GMNN: variants seen among roughly 807,000 people sequenced by gnomAD.
GMNN encodes the protein geminin DNA replication inhibitor.
Under a neutral mutation model 20.9 loss-of-function variants are expected in GMNN, and 14 were observed. The observed-to-expected ratio is 0.67, with a 90% confidence interval of 0.44 to 1.05. GMNN has a LOEUF of 1.05. Among genes scored for constraint, GMNN ranks in the 50% least tolerant of loss-of-function variants. The pLI is 0.00. For missense variants in GMNN, 227 were observed against 243.8 expected (o/e 0.93, Z 0.46); for synonymous variants, 81 against 85.8 (o/e 0.94, Z 0.31).
chr6:24,782,746 C>T (rs1780250462), intron 4 of GMNN, among the ~76,000 whole-genome samples: 1 of 151,948 alleles, frequency 6.6e-6, no homozygotes, highest in South Asian at 2.1e-4. Flanking sequence ...GGTAATATAA[C>T]CACAGGTGGA....
rs770471324 is a variant in GMNN, at chr6:24,785,727, G to A, written c.558G>A (p.Val186=). ...SEEETVEDSL[V]EDSEIGTCAE... The stretch of plus-strand genomic sequence containing the variant: ...AAGAAACTGTTGAGGATTCTCTAGT[G>A]GAAGACTCAGAAATTGGCACGTGTG... The change falls in exon 7 of 7, where the codon GTG becomes GTA. Residue 186 remains valine, a synonymous_variant. Coordinates refer to ENST00000230056, the MANE Select transcript of GMNN (RefSeq NM_015895.5). The A allele has an allele frequency of 6.3e-7, 1 of 1,579,306 alleles. No homozygotes were observed. Among genetic ancestry groups the A allele is most frequent in the Non-Finnish European group, 8.7e-7 (1 of 1,154,030 alleles).
chr6:24,782,041 C>T (rs1479624159), intron 4 of GMNN, among the ~76,000 whole-genome samples: 2 of 151,836 alleles, frequency 1.3e-5, no homozygotes, highest in African/African-American at 2.4e-5. Context: ...TGTATGATAG[C>T]ACCACTGCAC....
chr6:24,775,065 CAGCCAT>C lies in GMNN; in HGVS notation c.-201_-196del, dbSNP rs1780023356. 6.6e-6 allele frequency: 1 copy of C among 152,380 alleles called. No homozygotes were observed. Among genetic ancestry groups the C allele is most frequent in the Admixed American group, 6.5e-5 (1 of 15,286 alleles). The allele number at this position is 152,380 out of a possible 1,614,324, so 9.4% of individuals were successfully genotyped here. A position where few individuals can be genotyped will look rare whatever the true frequency, so the allele number is the denominator to read the frequency against. On this transcript the variant is annotated 5_prime_UTR_variant, in exon 1 of 7. Transcript: ENST00000230056. ...AGCTGTGGCCTTTTGCGAGGTGCTG[CAGCCAT>C]AGCTACGTGCGTTCGCTACGAGGAT...
At chr6:24,776,809 T>A (rs1470905865) in intron 1 of GMNN, 1 of 153,076 alleles carries the variant, frequency 6.5e-6, no homozygotes, top group Non-Finnish European at 1.5e-5. Flanking sequence ...TGTGTTAAGT[T>A]ATTGTCAGAG....
chr6:24,775,667 T>A (rs550380261), intron 1 of GMNN: 2 of 152,398 alleles, frequency 1.3e-5, no homozygotes, highest in South Asian at 4.1e-4. Flanking sequence ...GCGTTGTTGA[T>A]ACGGGTTTCG....
intron 5 of GMNN, 24 bp from the exon 6 acceptor site, chr6:24,784,420 C>T (rs572263106): frequency 1.9e-6 from 2 of 1,066,068 alleles, no homozygotes; most frequent in South Asian, 1.3e-5. Flanking sequence ...CTATGGAATA[C>T]TGAACTTTAT....
In GMNN at chr6:24,781,013, C is replaced by T. The variant is rs543886355; in HGVS notation, c.129+273C>T. On this transcript the variant is annotated intron_variant, in intron 3 of 6. Transcript: ENST00000230056. The stretch of plus-strand genomic sequence containing the variant: ...GTCAGGAGCTTGAGACAAGCCTGGC[C>T]AACGTGGTGAAACCCCATCTCTACT... 2.0e-5 allele frequency among the ~76,000 whole-genome samples: 3 copies of T among 152,116 alleles called. No homozygotes were observed. In the East Asian group the frequency reaches 5.8e-4, roughly 29 times the overall value.
intron 4 of GMNN, among the ~76,000 whole-genome samples, chr6:24,782,629 G>A (rs1294917961): frequency 2.0e-5 from 3 of 152,154 alleles, no homozygotes; most frequent in African/African-American, 7.2e-5. Flanking sequence ...AGATTGAAGA[G>A]CAGGATTTGT....
chr6:24,783,537 G>A (rs913721566), intron 4 of GMNN, among the ~76,000 whole-genome samples: 1 of 152,002 alleles, frequency 6.6e-6, no homozygotes, highest in Non-Finnish European at 1.5e-5. Context: ...AATTACTAAG[G>A]GAAAAAGTTA....
chr6:24,777,172 C>T, intron 1 of GMNN, 50 bp from the exon 2 acceptor site: 1 of 607,920 alleles, frequency 1.6e-6, no homozygotes, highest in Non-Finnish European at 2.9e-6. Context: ...GTATTTTAAA[C>T]CTAGACTCCA....
intron 4 of GMNN, among the ~76,000 whole-genome samples, chr6:24,782,072 A>G (rs1376245033): frequency 6.6e-6 from 1 of 152,074 alleles, no homozygotes; most frequent in Non-Finnish European, 1.5e-5. Flanking sequence ...GATACAGGGC[A>G]AGACCCGGTC....
Position 24,785,561 on chromosome 6 carries a change from G to A in GMNN, c.469-77G>A, listed in dbSNP as rs374493864. On this transcript the variant is annotated intron_variant, in intron 6 of 6. Coordinates refer to ENST00000230056, the MANE Select transcript of GMNN (RefSeq NM_015895.5). Reference sequence around the variant, plus strand: ...TCATAGCTATATCAGTATGCTATACGGGTCAGCTATATCAGTATGCTGATC... The same window carrying A: ...TCATAGCTATATCAGTATGCTATACAGGTCAGCTATATCAGTATGCTGATC... The A allele has an allele frequency of 1.9e-4, 125 of 666,886 alleles. No individual in the cohort carries two copies. The East Asian group carries it at 2.4e-3, about 13-fold the overall frequency. 41.3% of individuals were successfully genotyped at this position (666,886 alleles called of 1,614,324 possible). A position where few individuals can be genotyped will look rare whatever the true frequency, so the allele number is the denominator to read the frequency against.
At chr6:24,781,743 T>C in intron 4 of GMNN, 122 bp downstream of exon 4, 1 of 456,842 alleles carries the variant, frequency 2.2e-6, no homozygotes, top group Non-Finnish European at 4.0e-6. Flanking sequence ...GCACTATAAA[T>C]GTTTTTGTAT....
rs1026810218 is a variant in GMNN, at chr6:24,784,028, C to T, written c.275-59C>T. The T allele has an allele frequency of 7.9e-6, 6 of 756,108 alleles. No homozygotes were observed. In the Admixed American group the frequency reaches 1.5e-4, roughly 19 times the overall value. 46.8% of individuals were successfully genotyped at this position (756,108 alleles called of 1,614,324 possible). On this transcript the variant is annotated intron_variant, in intron 4 of 6. Coordinates refer to ENST00000230056, the MANE Select transcript of GMNN (RefSeq NM_015895.5). ...ACTAAGATTGGAAATTTTTTTGAAA[C>T]AAATTACTGGGTTTTGACAGTAATG...
Position 24,781,599 on chromosome 6 carries a change from G to A in GMNN, c.252G>A (p.Glu84=). The change falls in exon 4 of 7, where the codon GAG becomes GAA. Residue 84 remains glutamate (E), a synonymous_variant. Transcript: ENST00000230056. ...ENKNLGGVTQ[E]SFDLMIKENP... is the part of the protein sequence containing the mutation. Reference sequence around the variant, plus strand: ...AAAATCTTGGAGGAGTCACCCAGGAGTCATTTGATCTTATGATTAAAGGTA... The same window carrying A: ...AAAATCTTGGAGGAGTCACCCAGGAATCATTTGATCTTATGATTAAAGGTA... 6.6e-7 allele frequency: 1 copy of A among 1,511,544 alleles called. No individual in the cohort carries two copies. The allele number at this position is 1,511,544 out of a possible 1,614,324, so 93.6% of individuals were successfully genotyped here. A position where few individuals can be genotyped will look rare whatever the true frequency, so the allele number is the denominator to read the frequency against.
intron 4 of GMNN, among the ~76,000 whole-genome samples, chr6:24,783,262 T>C (rs1780264400): frequency 6.6e-6 from 1 of 152,150 alleles, no homozygotes; most frequent in Non-Finnish European, 1.5e-5. Flanking sequence ...TTATAATACA[T>C]TGAATAAAAA....
intron 2 of GMNN, among the ~76,000 whole-genome samples, chr6:24,778,840 T>G (rs1424163484): frequency 1.3e-5 from 2 of 152,228 alleles, no homozygotes. Context: ...CAATCTGGTT[T>G]CATCTATGTC....
intron 4 of GMNN, among the ~76,000 whole-genome samples, chr6:24,782,711 A>G (rs1184560227): frequency 6.6e-6 from 1 of 152,224 alleles, no homozygotes; most frequent in East Asian, 1.9e-4. Context: ...GTTAAATATC[A>G]AGACAAATAA....
rs773700219 is a variant in GMNN at position 24,784,177 on chromosome 6, T to A, written c.357+8T>A. On this transcript the variant is annotated splice_region_variant and intron_variant, in intron 5 of 6. Transcript: ENST00000230056. ...CTTAAGGAAAATGAGAAAGTATGTATTGAGTATAATTTGTACCATTTTTAA... is the reference window on the plus strand; with the variant it reads ...CTTAAGGAAAATGAGAAAGTATGTAATGAGTATAATTTGTACCATTTTTAA... 11 of 1,338,254 alleles carry A rather than the reference T, an allele frequency of 8.2e-6. No homozygotes were observed. The South Asian group carries it at 1.3e-4, about 16-fold the overall frequency. The allele number at this position is 1,338,254 out of a possible 1,614,324, so 82.9% of individuals were successfully genotyped here.
Sources: gnomAD v4.1 joint callset for allele counts (sites outside exome capture counted in the v4.1 genomes callset) on GRCh38, gnomAD v4.1.1 for gene constraint, MANE v1.5 for transcripts, NCBI Gene and HGNC (gene_info 2026-07-23, HGNC 2026-07-21) for gene names.